The following ASTN2 variants were observed in gnomAD, a reference collection of about 807,000 sequenced individuals.
ASTN2 encodes the protein astrotactin-2.
ASTN2 carries 54 observed loss-of-function variants against 139.8 expected under a neutral mutation model. The observed-to-expected ratio is 0.39, with a 90% confidence interval of 0.31 to 0.48. The LOEUF is 0.48. Ranked by LOEUF, ASTN2 falls within the 20% of genes least tolerant of loss-of-function variation. ASTN2 has a pLI of 0.95. For synonymous variants in ASTN2, 756 were observed against 719.5 expected, an observed-to-expected ratio of 1.05 and a Z score of -0.81; for missense variants, 1,565 against 1,725.1, an observed-to-expected ratio of 0.91 and a Z score of 1.64.
intron 3 of ASTN2, among the ~76,000 whole-genome samples, chr9:117,142,311 G>A (rs937750088): frequency 2.0e-5 from 3 of 152,210 alleles, no homozygotes; most frequent in Non-Finnish European, 1.5e-5. Flanking sequence ...ACTGAAGGAG[G>A]AAAGGAGGCC....
chr9:116,633,502 T>C (rs1233954227), intron 17 of ASTN2, among the ~76,000 whole-genome samples: 3 of 152,202 alleles, frequency 2.0e-5, no homozygotes, highest in African/African-American at 7.2e-5. Context: ...TGTCCTTTGA[T>C]AGATAGAAAC....
At chr9:116,721,909 A>G (rs1004379223) in intron 16 of ASTN2, among the ~76,000 whole-genome samples, 2 of 152,234 alleles carry the variant, frequency 1.3e-5, no homozygotes, top group Non-Finnish European at 2.9e-5. Flanking sequence ...GGAAGAAAAT[A>G]CAGAGGATCT....
At chr9:116,741,092 G>C (rs1166962959) in intron 13 of ASTN2, among the ~76,000 whole-genome samples, 2 of 152,056 alleles carry the variant, frequency 1.3e-5, no homozygotes, top group African/African-American at 2.4e-5. Flanking sequence ...ACAAACAAGG[G>C]AAGCTGGACT....
chr9:116,967,504 A>G (rs1458895596), intron 10 of ASTN2, among the ~76,000 whole-genome samples: 1 of 152,208 alleles, frequency 6.6e-6, no homozygotes, highest in East Asian at 1.9e-4. Flanking sequence ...TGGACTTGAG[A>G]GTCTACCTGA....
At chr9:117,331,174 G>A (rs991807703) in intron 1 of ASTN2, among the ~76,000 whole-genome samples, 7 of 152,188 alleles carry the variant, frequency 4.6e-5, no homozygotes, top group African/African-American at 1.2e-4. Context: ...TATGTCTTCT[G>A]TAAGTTGGAG....
At chr9:116,603,746 C>T (rs1158294112) in intron 19 of ASTN2, among the ~76,000 whole-genome samples, 1 of 152,150 alleles carries the variant, frequency 6.6e-6, no homozygotes, top group African/African-American at 2.4e-5. Context: ...TCTTGCCTGG[C>T]CTGGAAGGAG....
intron 10 of ASTN2, among the ~76,000 whole-genome samples, chr9:116,883,412 A>G (rs181713152): frequency 3.9e-5 from 6 of 152,268 alleles, no homozygotes; most frequent in Admixed American, 3.3e-4. Flanking sequence ...GACAGCCCTT[A>G]TATTTGTTTA....
intron 19 of ASTN2, among the ~76,000 whole-genome samples, chr9:116,510,260 G>C (rs186949949): frequency 6.6e-6 from 1 of 152,174 alleles, no homozygotes; most frequent in Non-Finnish European, 1.5e-5. Flanking sequence ...TTGTTAAATA[G>C]GGAATCCTTT....
At chr9:116,577,088 G>T (rs1185135934) in intron 19 of ASTN2, among the ~76,000 whole-genome samples, 3 of 152,170 alleles carry the variant, frequency 2.0e-5, no homozygotes, top group African/African-American at 7.2e-5. Context: ...CCATTTTACA[G>T]ATGAGGAAAC....
At chr9:116,844,542 C>T (rs1161538250) in intron 11 of ASTN2, among the ~76,000 whole-genome samples, 3 of 151,766 alleles carry the variant, frequency 2.0e-5, no homozygotes, top group Admixed American at 6.6e-5. Flanking sequence ...ACATTTGAAC[C>T]TCAACTTCCT....
chr9:116,584,821 C>T (rs2131719893), intron 19 of ASTN2: 1 of 152,288 alleles, frequency 6.6e-6, no homozygotes, highest in South Asian at 2.1e-4. Flanking sequence ...TTTTCCAACA[C>T]TGGAGGCATG....
chr9:117,158,169 G>A (rs1830470957), intron 3 of ASTN2, among the ~76,000 whole-genome samples: 1 of 151,994 alleles, frequency 6.6e-6, no homozygotes, highest in Admixed American at 6.6e-5. Flanking sequence ...TGTAGTCAGG[G>A]TACTAACCCA....
chr9:117,288,403 C>G (rs1834501893), intron 2 of ASTN2, among the ~76,000 whole-genome samples: 1 of 152,108 alleles, frequency 6.6e-6, no homozygotes, highest in South Asian at 2.1e-4. Context: ...GTGCATAGAC[C>G]CTAGCCTCCA....
intron 10 of ASTN2, among the ~76,000 whole-genome samples, chr9:116,889,761 AC>A (rs1398356317): frequency 1.2e-4 from 17 of 146,400 alleles, no homozygotes; most frequent in Non-Finnish European, 1.5e-5. Flanking sequence ...ACACACACAC[AC>A]ACACACACAA....
intron 19 of ASTN2, among the ~76,000 whole-genome samples, chr9:116,603,352 G>A (rs1432461184): frequency 2.6e-5 from 4 of 152,330 alleles, no homozygotes; most frequent in East Asian, 1.9e-4. Context: ...AGAGTGGGAT[G>A]TTAGAACTGA....
chr9:116,700,278 T>C (rs1356834889), intron 16 of ASTN2: 1 of 170,812 alleles, frequency 5.9e-6, no homozygotes, highest in East Asian at 1.9e-4. Flanking sequence ...CCAAAGGGGA[T>C]ACACAAGCCC....
intron 13 of ASTN2, among the ~76,000 whole-genome samples, chr9:116,758,215 T>C (rs550684223): frequency 7.2e-5 from 11 of 152,332 alleles, no homozygotes; most frequent in Non-Finnish European, 1.5e-4. Flanking sequence ...GCTATTGTTG[T>C]TGTGAATAAT....
intron 3 of ASTN2, among the ~76,000 whole-genome samples, chr9:117,172,293 C>T (rs1403120427): frequency 6.6e-6 from 1 of 152,014 alleles, no homozygotes; most frequent in Non-Finnish European, 1.5e-5. Flanking sequence ...TAGAATGTGG[C>T]TTGTTTGACC....
Position 117,149,938 on chromosome 9 carries a change from G to A in ASTN2, c.1016-8460C>T, listed in dbSNP as rs941078378. 3.3e-5 allele frequency among the ~76,000 whole-genome samples: 5 copies of A among 152,240 alleles called. No homozygotes were observed. The Middle Eastern group carries it at 0.01, about 311-fold the overall frequency. On this transcript the variant is annotated intron_variant, in intron 3 of 22. Coordinates refer to ENST00000313400, the MANE Select transcript of ASTN2 (RefSeq NM_001365068.1). ...TGGCATAGCTTATCTTCAAGCAAGC[G>A]TCTGCAGACAAGACAAATGAACAAA...
Sources: allele counts gnomAD v4.1 joint callset (sites outside exome capture counted in the v4.1 genomes callset), GRCh38; gene constraint gnomAD v4.1.1; transcripts MANE v1.5; gene names NCBI Gene and HGNC (gene_info 2026-07-23, HGNC 2026-07-21).